Variants in SEL1L2 observed in about 807,000 individuals in gnomAD.
SEL1L2 encodes SEL1L2 adaptor subunit of SYVN1 ubiquitin ligase, also known as protein sel-1 homolog 2.
A neutral mutation model predicts 98.8 loss-of-function variants in SEL1L2; 89 were observed. The ratio of observed to expected loss-of-function variants is 0.90; its 90% CI spans 0.76 to 1.07. SEL1L2 has a LOEUF of 1.07. SEL1L2 is among the 50% of genes least tolerant of loss of function. The pLI is 0.00. For synonymous variants in SEL1L2, 262 were observed against 278.5 expected (o/e 0.94, Z 0.59); for missense variants, 788 against 812.0 (o/e 0.97, Z 0.36).
intron 3 of SEL1L2, chr20:13,928,048 GAACAAAAAC>G (rs2048974152): frequency 6.6e-6 from 1 of 152,216 alleles, no homozygotes; most frequent in South Asian, 2.1e-4. Context: ...GTTATCCTAG[GAACAAAAAC>G]AATTTTTAAT....
chr20:13,953,516 G>T (rs1409506554), intron 2 of SEL1L2, among the ~76,000 whole-genome samples: 4 of 152,144 alleles, frequency 2.6e-5, no homozygotes, highest in African/African-American at 7.2e-5. Flanking sequence ...GCAGAGGGGG[G>T]AATGAGACAG....
chr20:13,971,122 A>G (rs1465195762), intron 1 of SEL1L2, among the ~76,000 whole-genome samples: 2 of 151,628 alleles, frequency 1.3e-5, no homozygotes, highest in African/African-American at 4.8e-5. Flanking sequence ...TTTTTCTATC[A>G]GGCTCTTTTT....
rs200409233 is a variant in SEL1L2, at chr20:13,952,727, CT to C, written c.114+3348del. Reference sequence around the variant, plus strand: ...AATGCATCCTGAACCCCTGGGACTCCTTTTTTAAAAAAGCCTCCTTGGCTGG... The same window carrying C: ...AATGCATCCTGAACCCCTGGGACTCCTTTTTAAAAAAGCCTCCTTGGCTGG... On this transcript the variant is annotated intron_variant, in intron 2 of 19. Transcript: ENST00000284951. 7.2e-3 allele frequency among the ~76,000 whole-genome samples: 1,066 copies of C among 148,460 alleles called. 13 individuals are homozygous for C. The highest frequency in any genetic ancestry group is 0.025 in the African/African-American group (1,006 of 40,668).
At chr20:13,911,395 G>A (rs191928053) in intron 5 of SEL1L2, among the ~76,000 whole-genome samples, 165 of 152,298 alleles carry the variant, frequency 1.1e-3, no homozygotes, top group Non-Finnish European at 2.0e-3. Flanking sequence ...TTTTAGTGGT[G>A]GGAGTGGAGT....
At chr20:13,859,803 G>A (rs182688658) in intron 17 of SEL1L2, among the ~76,000 whole-genome samples, 3 of 152,230 alleles carry the variant, frequency 2.0e-5, no homozygotes, top group East Asian at 1.9e-4. Flanking sequence ...AGGTTCAAGC[G>A]ATTCTCCTGC....
In SEL1L2 at chr20:13,930,480, A is replaced by T. The variant is rs111659946; in HGVS notation, c.283+1123T>A. Among the ~76,000 whole-genome samples the T allele has an allele frequency of 2.0e-4, 31 of 152,318 alleles. 2 individuals carry two copies. Among genetic ancestry groups the T allele is most frequent in the African/African-American group, 7.5e-4 (31 of 41,578 alleles). On this transcript the variant is annotated intron_variant, in intron 3 of 19. Transcript: ENST00000284951. ...CCTGTCTACGCCTTTAGAAATAAAT[A>T]GTCTCTTTATTAAACTCTTCTCAGA... is the stretch of plus-strand genomic sequence containing the variant.
chr20:13,975,740 G>A (rs1389790597), intron 1 of SEL1L2, among the ~76,000 whole-genome samples: 8 of 152,168 alleles, frequency 5.3e-5, no homozygotes, highest in African/African-American at 1.7e-4. Context: ...CTGTAATCAC[G>A]TAGTTAGCAA....
chr20:13,931,757 T>C lies in SEL1L2; in HGVS notation c.129A>G (p.Glu43=), dbSNP rs2049154707. The change falls in exon 3 of 20, where the codon GAA becomes GAG. Residue 43 remains glutamate (E), a synonymous_variant. Transcript: ENST00000284951. The part of the protein sequence containing the change: ...RNVTTQVSVN[E]IKQYLSHILE... The stretch of plus-strand genomic sequence containing the variant: ...ATATGTGTGATAAATATTGTTTGAT[T>C]TCGTTCACTGATACCTACAAAGAAA... 1.3e-6 allele frequency: 2 copies of C among 1,539,716 alleles called. No homozygotes were observed. The highest frequency in any genetic ancestry group is 1.7e-6 in the Non-Finnish European group (2 of 1,148,678).
intron 5 of SEL1L2, among the ~76,000 whole-genome samples, chr20:13,911,200 A>C (rs1017883916): frequency 1.3e-5 from 2 of 152,228 alleles, no homozygotes; most frequent in Non-Finnish European, 2.9e-5. Flanking sequence ...TGCTGCAGTT[A>C]TTTGCATTTC....
At chr20:13,995,196 C>T (rs2295414), upstream of SEL1L2, 26,072 of 170,932 alleles carry the variant, frequency 0.15, 2,241 homozygotes, top group Admixed American at 0.22. This position sits in a 1 kb window ranked among gnomAD's most constrained non-coding sequence, Gnocchi z 4.3. Flanking sequence ...TTCCAAGAGG[C>T]CAGCGGTAAG....
chr20:13,935,254 C>G (rs1465891359), intron 2 of SEL1L2, among the ~76,000 whole-genome samples: 2 of 152,184 alleles, frequency 1.3e-5, no homozygotes, highest in Non-Finnish European at 2.9e-5. Flanking sequence ...AATTTAATAA[C>G]AAGCATTTTT....
At chr20:13,903,257 A>AT (rs1479743176) in intron 5 of SEL1L2, among the ~76,000 whole-genome samples, 1 of 152,170 alleles carries the variant, frequency 6.6e-6, no homozygotes, top group African/African-American at 2.4e-5. Context: ...CTTAATTTAG[A>AT]TATTTCACAC....
chr20:13,907,738 C>CTTTCTTTCTTTCTT (rs2048014864), intron 5 of SEL1L2, among the ~76,000 whole-genome samples: 7 of 104,196 alleles, frequency 6.7e-5, no homozygotes, highest in African/African-American at 1.2e-4. Context: ...TTCTTTCTTT[C>CTTTCTTTCTTTCTT]TTTCTTTCTT....
At chr20:13,931,524 T>C in intron 3 of SEL1L2, 79 bp downstream of exon 3, 1 of 900,938 alleles carries the variant, frequency 1.1e-6, no homozygotes, top group Admixed American at 3.8e-5. Flanking sequence ...CTAAGACTTC[T>C]CAGAAAGTAG....
intron 3 of SEL1L2, among the ~76,000 whole-genome samples, chr20:13,931,117 C>T (rs551815234): frequency 5.3e-5 from 8 of 151,282 alleles, no homozygotes; most frequent in Middle Eastern, 3.4e-3. Context: ...GATCTTGGCT[C>T]ACTGCAAGCT....
At chr20:13,975,017 C>T (rs535855068) in intron 1 of SEL1L2, among the ~76,000 whole-genome samples, 58 of 152,074 alleles carry the variant, frequency 3.8e-4, no homozygotes, top group Non-Finnish European at 6.9e-4. Context: ...AGAATATTCT[C>T]TTCAATCCCA....
chr20:13,885,347 G>T lies in SEL1L2; in HGVS notation c.957C>A (p.Tyr319Ter). The change falls in exon 10 of 20, where the codon TAC becomes TAA. Residue 319 changes from tyrosine to a stop codon, truncating the protein, a stop_gained and splice_region_variant. Transcript: ENST00000284951. LOFTEE classifies it high-confidence loss of function. ...TGACTGGATCTTGAGATTGACTTACGTAGTAATCCTGATCTAGACCTTTCC... is the reference window on the plus strand; with the variant it reads ...TGACTGGATCTTGAGATTGACTTACTTAGTAATCCTGATCTAGACCTTTCC... ...IGRKGLDQDY[Y>*]KALHYFLKAA... 2 of 1,586,486 alleles carry T rather than the reference G, an allele frequency of 1.3e-6. No individual in the cohort carries two copies. The highest frequency in any genetic ancestry group is 1.7e-6 in the Non-Finnish European group (2 of 1,155,050).
chr20:13,932,072 G>T (rs1260269751), intron 2 of SEL1L2, among the ~76,000 whole-genome samples: 1 of 152,134 alleles, frequency 6.6e-6, no homozygotes, highest in Non-Finnish European at 1.5e-5. Flanking sequence ...CCTTCCACTG[G>T]TAAGTTGTCA....
chr20:13,954,356 C>G (rs2050420009), intron 2 of SEL1L2, among the ~76,000 whole-genome samples: 1 of 152,056 alleles, frequency 6.6e-6, no homozygotes, highest in Non-Finnish European at 1.5e-5. Flanking sequence ...TGAGGATACT[C>G]TATTCTGGTT....
Sources: allele counts gnomAD v4.1 joint callset (sites outside exome capture counted in the v4.1 genomes callset), GRCh38; gene constraint gnomAD v4.1.1; non-coding constraint Gnocchi (gnomAD v3.1); transcripts MANE v1.5; gene names NCBI Gene and HGNC (gene_info 2026-07-23, HGNC 2026-07-21).